Variants in PTPRT observed in about 807,000 individuals in gnomAD.
The protein encoded by PTPRT is receptor-type tyrosine-protein phosphatase T.
PTPRT carries 56 observed loss-of-function variants against 176.8 expected under a neutral mutation model. That is an observed-to-expected ratio of 0.32 (90% confidence interval 0.26 to 0.40). The LOEUF (loss-of-function observed/expected upper bound fraction) is 0.40. Among genes scored for constraint, PTPRT ranks in the 10% least tolerant of loss-of-function variants. The pLI is 1.00. For missense variants in PTPRT, 1,540 were observed against 1,908.2 expected, an observed-to-expected ratio of 0.81 and a Z score of 3.60; for synonymous variants, 783 against 739.0, an observed-to-expected ratio of 1.06 and a Z score of -0.96.
chr20:42,391,827 G>C (rs1446502771), intron 9 of PTPRT, among the ~76,000 whole-genome samples: 1 of 152,152 alleles, frequency 6.6e-6, no homozygotes, highest in African/African-American at 2.4e-5. Flanking sequence ...ATAACTAAAT[G>C]CTATTGGATT....
At chr20:42,415,901 A>G (rs2059061956) in intron 9 of PTPRT, among the ~76,000 whole-genome samples, 1 of 152,196 alleles carries the variant, frequency 6.6e-6, no homozygotes, top group African/African-American at 2.4e-5. Context: ...ACAAAAAGAC[A>G]ATGTTATCTT....
intron 15 of PTPRT, among the ~76,000 whole-genome samples, chr20:42,206,284 G>A (rs985668132): frequency 6.6e-6 from 1 of 152,230 alleles, no homozygotes; most frequent in Admixed American, 6.5e-5. Context: ...GAGGAGCCAA[G>A]ATGGCCGAAT....
At chr20:42,503,797 C>T (rs2071797715) in intron 7 of PTPRT, among the ~76,000 whole-genome samples, 2 of 152,200 alleles carry the variant, frequency 1.3e-5, no homozygotes, top group South Asian at 4.1e-4. Flanking sequence ...ATGCCTTCTG[C>T]TCATACCAGT....
At chr20:43,034,543 T>C (rs1248420260) in intron 1 of PTPRT, among the ~76,000 whole-genome samples, 1 of 125,270 alleles carries the variant, frequency 8.0e-6, no homozygotes, top group Non-Finnish European at 1.6e-5. Flanking sequence ...TCTTCACTAA[T>C]TAAAAAAAAA....
intron 6 of PTPRT, among the ~76,000 whole-genome samples, chr20:42,753,725 G>A (rs1188657859): frequency 6.6e-6 from 1 of 152,196 alleles, no homozygotes; most frequent in Non-Finnish European, 1.5e-5. Flanking sequence ...ACCAGCAGAG[G>A]ACAAATCAGT....
intron 11 of PTPRT, among the ~76,000 whole-genome samples, chr20:42,344,292 T>A (rs968177050): frequency 6.6e-6 from 1 of 152,216 alleles, no homozygotes; most frequent in Non-Finnish European, 1.5e-5. Context: ...TATTCCCATT[T>A]ATCGACAAGC....
Position 42,981,125 on chromosome 20 carries a change from G to C in PTPRT, c.89-95193C>G, listed in dbSNP as rs144379426. Reference sequence around the variant, plus strand: ...TTTCAGGAGAGTTAAGTCCTGTCTCGACCTGATTACAATGGTCTTGAATAA... The same window carrying C: ...TTTCAGGAGAGTTAAGTCCTGTCTCCACCTGATTACAATGGTCTTGAATAA... On this transcript the variant is annotated intron_variant, in intron 1 of 30. Transcript: ENST00000373187. 4.3e-4 allele frequency among the ~76,000 whole-genome samples: 66 copies of C among 152,108 alleles called. 3 individuals carry two copies. Among genetic ancestry groups the C allele is most frequent in the Non-Finnish European group, 1.0e-4 (7 of 68,036 alleles).
At chr20:42,088,210 C>G (rs946534978) in intron 27 of PTPRT, among the ~76,000 whole-genome samples, 23 of 152,136 alleles carry the variant, frequency 1.5e-4, no homozygotes, top group Non-Finnish European at 1.3e-4. Flanking sequence ...GAAGATATAG[C>G]CAAGATTCAC....
At chr20:42,289,906 T>C (rs1207237437) in intron 12 of PTPRT, among the ~76,000 whole-genome samples, 2 of 152,110 alleles carry the variant, frequency 1.3e-5, no homozygotes, top group Non-Finnish European at 2.9e-5. Flanking sequence ...CCAAAACGTT[T>C]GTTTTCTCCT....
At chr20:42,425,696 C>A (rs1050203894) in intron 9 of PTPRT, among the ~76,000 whole-genome samples, 47 of 152,294 alleles carry the variant, frequency 3.1e-4, no homozygotes, top group African/African-American at 1.1e-3. Context: ...AATCACTTCA[C>A]AACGTATACA....
intron 6 of PTPRT, among the ~76,000 whole-genome samples, chr20:42,686,833 A>G (rs2075704699): frequency 6.6e-6 from 1 of 151,934 alleles, no homozygotes; most frequent in Middle Eastern, 3.2e-3. Context: ...TCTCAGTCTC[A>G]CTTCGTCTCC....
At chr20:42,200,111 GA>G (rs1353395294) in intron 15 of PTPRT, among the ~76,000 whole-genome samples, 1 of 151,504 alleles carries the variant, frequency 6.6e-6, no homozygotes, top group Non-Finnish European at 1.5e-5. Flanking sequence ...AGTAGGACAG[GA>G]CCTAGAATTC....
At chr20:42,350,214 G>GTTTTTTTTTTTTTT (rs764181357) in intron 11 of PTPRT, among the ~76,000 whole-genome samples, 4 of 58,286 alleles carry the variant, frequency 6.9e-5, no homozygotes, top group Non-Finnish European at 9.9e-5. Flanking sequence ...GATGTTTCTT[G>GTTTTTTTTTTTTTT]TTTTTTTTTT....
At chr20:42,768,558 C>G (rs569317621) in intron 5 of PTPRT, among the ~76,000 whole-genome samples, 130 of 152,322 alleles carry the variant, frequency 8.5e-4, no homozygotes, top group African/African-American at 2.4e-3. Context: ...AACTGTGTAT[C>G]TGACAAGTTT....
intron 11 of PTPRT, among the ~76,000 whole-genome samples, chr20:42,348,728 C>G (rs2058233461): frequency 6.6e-6 from 1 of 152,120 alleles, no homozygotes; most frequent in Non-Finnish European, 1.5e-5. Context: ...TCAGGGTAAA[C>G]CAGGACCAAG....
chr20:43,128,539 G>A (rs2146373869), intron 1 of PTPRT, among the ~76,000 whole-genome samples: 1 of 152,324 alleles, frequency 6.6e-6, no homozygotes, highest in Non-Finnish European at 1.5e-5. Flanking sequence ...AGGTGAAAAG[G>A]ACAGAAGGCA....
intron 17 of PTPRT, among the ~76,000 whole-genome samples, chr20:42,154,698 C>T (rs1055146212): frequency 6.6e-6 from 1 of 152,200 alleles, no homozygotes; most frequent in South Asian, 2.1e-4. Flanking sequence ...GTCACCTCTT[C>T]CAATTCTCCC....
chr20:42,909,874 G>A (rs172271), intron 1 of PTPRT, among the ~76,000 whole-genome samples: 47 of 152,206 alleles, frequency 3.1e-4, no homozygotes, highest in African/African-American at 9.9e-4. Context: ...TGCTATTGTC[G>A]ACAGCTCTAG....
chr20:42,747,192 C>G (rs1020119603), intron 6 of PTPRT, among the ~76,000 whole-genome samples: 2 of 152,140 alleles, frequency 1.3e-5, no homozygotes, highest in Non-Finnish European at 2.9e-5. Flanking sequence ...AGAACTTTCT[C>G]AGAGGTAGAA....
Sources: gnomAD v4.1 joint callset for allele counts (sites outside exome capture counted in the v4.1 genomes callset) on GRCh38, gnomAD v4.1.1 for gene constraint, MANE v1.5 for transcripts, NCBI Gene and HGNC (gene_info 2026-07-23, HGNC 2026-07-21) for gene names.